Variants in AFG2B observed in about 807,000 individuals in gnomAD.
AFG2B encodes ATPase family gene 2 protein homolog B.
At chr15:45,403,382 A>G in the AFG2B span, 1 of 1,611,280 alleles carries the variant, frequency 6.2e-7, no homozygotes. Flanking sequence ...CGAGCACCCG[A>G]GAGCCGCGTA....
the AFG2B span, chr15:45,405,470 G>C: frequency 6.2e-7 from 1 of 1,613,812 alleles, no homozygotes; most frequent in Non-Finnish European, 8.5e-7. Flanking sequence ...ACTCTGTAGG[G>C]AGGCTGCCAT....
At chr15:45,403,465 C>T in the AFG2B span, 1 of 1,608,660 alleles carries the variant, frequency 6.2e-7, no homozygotes, top group Non-Finnish European at 8.5e-7. Context: ...AGCCACTAAC[C>T]GGCCGGACGC....
At chr15:45,405,671 T>G in the AFG2B span, among the ~76,000 whole-genome samples, 26 of 152,314 alleles carry the variant, frequency 1.7e-4, no homozygotes, top group African/African-American at 6.3e-4. Context: ...AGTATATGAT[T>G]GAGGGTGGGG....
At chr15:45,407,798 T>G in the AFG2B span, among the ~76,000 whole-genome samples, 1 of 152,178 alleles carries the variant, frequency 6.6e-6, no homozygotes, top group African/African-American at 2.4e-5. Flanking sequence ...GGCAAATACT[T>G]TAATAAATAC....
the AFG2B span, among the ~76,000 whole-genome samples, chr15:45,411,774 C>T: frequency 7.9e-5 from 12 of 152,158 alleles, no homozygotes; most frequent in Admixed American, 1.3e-4. Flanking sequence ...GGCAACAGAG[C>T]GAGATCCTGT....
At chr15:45,410,343 AT>A in the AFG2B span, 807 of 1,598,096 alleles carry the variant, frequency 5.0e-4, no homozygotes, top group Non-Finnish European at 6.5e-4. Context: ...TTTTGGTTTG[AT>A]TTTGCTTTTT....
At chr15:45,416,637 G>A in the AFG2B span, among the ~76,000 whole-genome samples, 1 of 152,150 alleles carries the variant, frequency 6.6e-6, no homozygotes, top group African/African-American at 2.4e-5. Flanking sequence ...TATTCACCCA[G>A]CATCTGCTAA....
At chr15:45,402,429 G>A in the AFG2B span, 2 of 1,600,454 alleles carry the variant, frequency 1.2e-6, no homozygotes, top group Non-Finnish European at 8.5e-7. Flanking sequence ...ATCTGTGTGC[G>A]ATGGCTCCGG....
At chr15:45,418,860 C>T in the AFG2B span, among the ~76,000 whole-genome samples, 1 of 152,074 alleles carries the variant, frequency 6.6e-6, no homozygotes, top group African/African-American at 2.4e-5. Context: ...GAGGGTGGTG[C>T]AGAGAGGCAA....
the AFG2B span, chr15:45,421,148 G>A: frequency 2.2e-5 from 36 of 1,610,928 alleles, no homozygotes; most frequent in Non-Finnish European, 3.0e-5. Context: ...AAGTTGCAAG[G>A]ACTTGGCTTT....
chr15:45,402,692 C>A, the AFG2B span: 1 of 1,572,350 alleles, frequency 6.4e-7, no homozygotes, highest in African/African-American at 1.4e-5. Context: ...GTCGGGGCGT[C>A]GAGATCCCGG....
the AFG2B span, chr15:45,417,301 A>G: frequency 1.2e-6 from 2 of 1,613,970 alleles, no homozygotes; most frequent in African/African-American, 2.7e-5. Flanking sequence ...AAGTGTCATG[A>G]TTATTGCAGC....
chr15:45,415,576 C>T, the AFG2B span: 74 of 1,600,780 alleles, frequency 4.6e-5, no homozygotes, highest in Non-Finnish European at 5.9e-5. Flanking sequence ...ATATTTTTTT[C>T]CTAACAAAAG....
chr15:45,410,338 G>A, the AFG2B span: 2 of 1,593,712 alleles, frequency 1.3e-6, no homozygotes, highest in Non-Finnish European at 1.7e-6. Context: ...CTAATTTTTG[G>A]TTTGATTTTG....
the AFG2B span, chr15:45,415,454 C>T: frequency 1.4e-6 from 1 of 726,888 alleles, no homozygotes; most frequent in Non-Finnish European, 2.1e-6. Flanking sequence ...GCTGAAATCG[C>T]ATCACTACAC....
the AFG2B span, chr15:45,402,499 CG>C: frequency 1.2e-6 from 2 of 1,609,380 alleles, no homozygotes; most frequent in Non-Finnish European, 1.7e-6. Context: ...CGCTAGAGAC[CG>C]GGGCACCCAG....
At chr15:45,418,901 T>C in the AFG2B span, among the ~76,000 whole-genome samples, 2 of 152,040 alleles carry the variant, frequency 1.3e-5, no homozygotes, top group Admixed American at 6.6e-5. Context: ...ATTGAAAATA[T>C]GTAGTGAGTT....
At chr15:45,406,810 C>T in the AFG2B span, among the ~76,000 whole-genome samples, 1 of 152,258 alleles carries the variant, frequency 6.6e-6, no homozygotes, top group South Asian at 2.1e-4. Flanking sequence ...TGCCTCACTT[C>T]CTTTCCTTTA....
the AFG2B span, among the ~76,000 whole-genome samples, chr15:45,416,220 G>A: frequency 6.6e-6 from 1 of 152,204 alleles, no homozygotes; most frequent in East Asian, 1.9e-4. Flanking sequence ...GAGGCCAGGA[G>A]TTTGAGACTA....
Sources: gnomAD v4.1 joint callset for allele counts (sites outside exome capture counted in the v4.1 genomes callset) on GRCh38, gnomAD v4.1.1 for gene constraint, MANE v1.5 for transcripts, NCBI Gene and HGNC (gene_info 2026-07-23, HGNC 2026-07-21) for gene names.